NUP50: variants seen among roughly 807,000 people sequenced by gnomAD.
NUP50 encodes the protein nucleoporin 50.
In NUP50, 14 loss-of-function variants were observed where a neutral mutation model predicts 36.8. The ratio of observed to expected loss-of-function variants is 0.38; its 90% CI spans 0.25 to 0.59. The LOEUF (loss-of-function observed/expected upper bound fraction) is 0.59, where lower values mean the gene tolerates loss of function less well. NUP50 is among the 20% of genes least tolerant of loss of function. The probability of loss-of-function intolerance (pLI) is 0.63; values close to 1 mark genes in which losing one functional copy is unlikely to be tolerated. For synonymous variants in NUP50, 195 were observed against 210.8 expected (o/e 0.93, Z 0.65); for missense variants, 455 against 564.6 (o/e 0.81, Z 1.97).
At chr22:45,164,636 G>A (rs1222997692) in intron 1 of NUP50, 1 of 152,986 alleles carries the variant, frequency 6.5e-6, no homozygotes, top group African/African-American at 2.4e-5. Context: ...GGGAGCGACG[G>A]GTGGAGGGTG....
rs778254002 is a variant in NUP50 at position 45,168,214 on chromosome 22, A to G, written c.37A>G (p.Arg13Gly). 4 of 1,612,150 alleles carry G rather than the reference A, an allele frequency of 2.5e-6. No individual in the cohort carries two copies. Among genetic ancestry groups the G allele is most frequent in the African/African-American group, 1.3e-5 (1 of 74,930 alleles). The stretch of plus-strand genomic sequence containing the variant: ...AAATGCCGAGAAGGAACTGACAGAT[A>G]GGAATTGGGATCAAGAAGATGAAGC... Reference protein sequence around the residue: ...KRNAEKELTDRNWDQEDEAEE... With the variant: ...KRNAEKELTDGNWDQEDEAEE... The change falls in exon 2 of 8, where the codon AGG becomes GGG. Residue 13 changes from arginine to glycine, a missense_variant. Arg to Gly is a moderately radical substitution (Grantham distance 125, BLOSUM62 -2). Transcript: ENST00000347635.
intron 1 of NUP50, among the ~76,000 whole-genome samples, chr22:45,167,847 C>A (rs893174812): frequency 2.0e-5 from 3 of 152,184 alleles, no homozygotes; most frequent in Non-Finnish European, 4.4e-5. Flanking sequence ...TACAGTACTT[C>A]AGATTCCAGA....
Position 45,183,534 on chromosome 22 carries a change from T to C in NUP50, c.1204+14T>C, listed in dbSNP as rs1040596441. 1.4e-6 allele frequency: 2 copies of C among 1,473,774 alleles called. No individual in the cohort carries two copies. The highest frequency in any genetic ancestry group is 1.9e-6 in the Non-Finnish European group (2 of 1,052,110). 91.3% of individuals were successfully genotyped at this position (1,473,774 alleles called of 1,614,324 possible). A position where few individuals can be genotyped will look rare whatever the true frequency, so the allele number is the denominator to read the frequency against. The stretch of plus-strand genomic sequence containing the variant: ...ACACCAATTTAGGTGGGTACCTTTT[T>C]TCAGTTAGCACAAAATCATCATCAC... On this transcript the variant is annotated intron_variant, in intron 7 of 7. Transcript: ENST00000347635.
chr22:45,176,156 A>T (rs781487550), intron 4 of NUP50, 76 bp downstream of exon 4: 7 of 1,470,990 alleles, frequency 4.8e-6, no homozygotes, highest in South Asian at 1.3e-5. Context: ...TGTTTTTCTT[A>T]TAGCTACCCT....
chr22:45,170,321 T>C (rs2074168383), intron 2 of NUP50, among the ~76,000 whole-genome samples: 1 of 146,980 alleles, frequency 6.8e-6, no homozygotes, highest in African/African-American at 2.5e-5. Context: ...ACAATCTCTG[T>C]TTCCCCCTTC....
intron 2 of NUP50, chr22:45,171,309 C>T (rs1329173907): frequency 1.6e-5 from 9 of 577,946 alleles, no homozygotes; most frequent in South Asian, 9.7e-5. Context: ...AAGTGATTCT[C>T]CTGCCTCAGC....
intron 1 of NUP50, chr22:45,164,701 CCCCACCGGGCT>C (rs1601761740): frequency 6.6e-6 from 1 of 152,336 alleles, no homozygotes; most frequent in East Asian, 1.9e-4. Flanking sequence ...GGGGCCCGGG[CCCCACCGGGCT>C]GCGGCGTCCG....
Position 45,175,993 on chromosome 22 carries a change from T to C in NUP50, c.253T>C (p.Leu85=). 1.2e-6 allele frequency: 2 copies of C among 1,614,130 alleles called. No homozygotes were observed. The highest frequency in any genetic ancestry group is 8.5e-7 in the Non-Finnish European group (1 of 1,180,016). The part of the protein sequence containing the change: ...GFGSGAGGKP[L]EGLSNGNNIT... ...TGGTAGTGGCGCTGGAGGGAAGCCTTTGGAAGGACTGTCGAATGGAAACAA... is the reference window on the plus strand; with the variant it reads ...TGGTAGTGGCGCTGGAGGGAAGCCTCTGGAAGGACTGTCGAATGGAAACAA... The change falls in exon 4 of 8, where the codon TTG becomes CTG. Residue 85 remains leucine, a synonymous_variant. Coordinates refer to ENST00000347635, the MANE Select transcript of NUP50 (RefSeq NM_007172.4).
intron 2 of NUP50, among the ~76,000 whole-genome samples, chr22:45,168,471 G>T (rs370179426): frequency 6.6e-6 from 1 of 152,304 alleles, no homozygotes; most frequent in South Asian, 2.1e-4. Context: ...ATTTAGATGT[G>T]CTTTTCCACT....
Position 45,187,746 on chromosome 22 carries a change from C to T in NUP50, c.*3091C>T, listed in dbSNP as rs1174805973. On this transcript the variant is annotated 3_prime_UTR_variant, in exon 8 of 8. Transcript: ENST00000347635. ...CCAAGCAGGCACTCAGAACACAGGTCACCGTATGTTCTCAGCCAGTAACAA... is the reference window on the plus strand; with the variant it reads ...CCAAGCAGGCACTCAGAACACAGGTTACCGTATGTTCTCAGCCAGTAACAA... The T allele has an allele frequency of 6.6e-6, 1 of 152,404 alleles. No individual in the cohort carries two copies. The highest frequency in any genetic ancestry group is 1.9e-4 in the East Asian group (1 of 5,200). The allele number at this position is 152,404 out of a possible 1,614,324, so 9.4% of individuals were successfully genotyped here.
chr22:45,172,469 T>C (rs947599572), intron 3 of NUP50, among the ~76,000 whole-genome samples: 10 of 152,202 alleles, frequency 6.6e-5, no homozygotes, highest in African/African-American at 2.2e-4. Context: ...TCCAAGGAAA[T>C]AGTCATTGGA....
chr22:45,181,345 GAAGATGCTTTTTACTCCAAA>G lies in NUP50; in HGVS notation c.1067_1085+1del. 6.3e-7 allele frequency: 1 copy of G among 1,590,856 alleles called. No homozygotes were observed. Among genetic ancestry groups the G allele is most frequent in the Non-Finnish European group, 8.5e-7 (1 of 1,173,698 alleles). On this transcript the variant is annotated frameshift_variant and splice_region_variant, in exon 6 of 8. Coordinates refer to ENST00000347635, the MANE Select transcript of NUP50 (RefSeq NM_007172.4). LOFTEE classifies it high-confidence loss of function. ...AGTAGTAGTTACCGAAGTAAAAGAA[GAAGATGCTTTTTACTCCAAA>G]AAGTAAGAATCCCCACAACCTGCTG...
Position 45,185,769 on chromosome 22 carries a change from G to A in NUP50, c.*1114G>A, listed in dbSNP as rs938131984. 2 of 152,190 alleles carry A rather than the reference G, an allele frequency of 1.3e-5. No individual in the cohort carries two copies. The highest frequency in any genetic ancestry group is 4.8e-5 in the African/African-American group (2 of 41,442). 9.4% of individuals were successfully genotyped at this position (152,190 alleles called of 1,614,324 possible). On this transcript the variant is annotated 3_prime_UTR_variant, in exon 8 of 8. Coordinates refer to ENST00000347635, the MANE Select transcript of NUP50 (RefSeq NM_007172.4). ...CATGGTTATTCACACGAATATCCCT[G>A]TCACTTCTCCAGAGGTGTCAGGTAA...
chr22:45,183,841 G>A (rs1030184090), intron 7 of NUP50: 7 of 280,522 alleles, frequency 2.5e-5, no homozygotes, highest in Non-Finnish European at 3.4e-5. Flanking sequence ...AGCAAGTAAT[G>A]ACTAACTGCT....
intron 4 of NUP50, chr22:45,177,793 A>G (rs974605353): frequency 6.3e-6 from 1 of 158,146 alleles, no homozygotes; most frequent in African/African-American, 2.4e-5. Flanking sequence ...TGGTTACTAA[A>G]TTCTACTCCT....
rs1310448089 is a variant in NUP50 at position 45,178,295 on chromosome 22, C to G, written c.398C>G (p.Thr133Ser). The stretch of plus-strand genomic sequence containing the variant: ...GTTGATAAAGTTTCAAATCCCAAAA[C>G]TAATGGGGACAGTCAGCAGCCCTCC... ...TLVDKVSNPK[T>S]NGDSQQPSSS... The change falls in exon 5 of 8, where the codon ACT becomes AGT. Residue 133 changes from threonine (T) to serine (S), a missense_variant. By Grantham distance (58) the Thr-to-Ser change is moderately conservative. Around this residue, in one of 3 missense-constraint regions of NUP50, gnomAD observed 166 missense variants for 202.8 expected, o/e 0.82. Transcript: ENST00000347635. 4.3e-6 allele frequency: 7 copies of G among 1,613,848 alleles called. No individual in the cohort carries two copies. In the African/African-American group the frequency reaches 8.0e-5, roughly 18 times the overall value.
At position 45,183,517 on chromosome 22, in the gene NUP50, T is replaced by A; in HGVS notation, c.1201T>A (p.Leu401Ile). Residue 401 changes from leucine (L) to isoleucine (I), a missense_variant, in exon 7 of 8, where the codon TTA becomes ATA. Leu to Ile is a conservative substitution (Grantham distance 5, BLOSUM62 2). This residue lies in a region of NUP50 where 287 missense variants were observed against 345.5 expected (regional missense o/e 0.83). Coordinates refer to ENST00000347635, the MANE Select transcript of NUP50 (RefSeq NM_007172.4). ...TQLLVRADTN[L>I]GNILLNVLIP... is the part of the protein sequence containing the mutation. Reference sequence around the variant, plus strand: ...GCTTTTGGTGCGGGCAGACACCAATTTAGGTGGGTACCTTTTTTCAGTTAG... The same window carrying A: ...GCTTTTGGTGCGGGCAGACACCAATATAGGTGGGTACCTTTTTTCAGTTAG... 1 of 1,590,276 alleles carries A rather than the reference T, an allele frequency of 6.3e-7. No homozygotes were observed. Among genetic ancestry groups the A allele is most frequent in the South Asian group, 1.1e-5 (1 of 90,588 alleles).
intron 1 of NUP50, chr22:45,166,388 A>C (rs1257302415): frequency 6.7e-6 from 1 of 150,310 alleles, no homozygotes; most frequent in Non-Finnish European, 1.5e-5. Context: ...CCTGGGTTCA[A>C]GAGATTCTCC....
chr22:45,172,733 G>A (rs916974436), intron 3 of NUP50, among the ~76,000 whole-genome samples: 4 of 152,256 alleles, frequency 2.6e-5, no homozygotes, highest in Admixed American at 1.3e-4. Flanking sequence ...GTTTGAAAAC[G>A]TAAGGAAGGG....
Sources: allele counts gnomAD v4.1 joint callset (sites outside exome capture counted in the v4.1 genomes callset), GRCh38; gene constraint gnomAD v4.1.1; regional missense constraint gnomAD v4.1.1; transcripts MANE v1.5; gene names NCBI Gene and HGNC (gene_info 2026-07-23, HGNC 2026-07-21).